Variants in TENT4B observed in about 807,000 individuals in gnomAD.
TENT4B encodes PAP associated domain containing 5.
In TENT4B, 10 loss-of-function variants were observed where a neutral mutation model predicts 75.0. The observed-to-expected ratio is 0.13, with a 90% CI of 0.08 to 0.23. The LOEUF is 0.23. Among genes scored for constraint, TENT4B ranks in the 10% least tolerant of loss-of-function variants. The pLI is 1.00. For missense variants in TENT4B, 579 were observed against 893.8 expected (o/e 0.65, Z 4.49); for synonymous variants, 350 against 357.7 (o/e 0.98, Z 0.24).
At chr16:50,177,091 C>T (rs1380330316) in intron 1 of TENT4B, among the ~76,000 whole-genome samples, 3 of 151,872 alleles carry the variant, frequency 2.0e-5, no homozygotes, top group African/African-American at 7.3e-5. Flanking sequence ...CAACCTCTGC[C>T]TCCCAGGTTC....
Position 50,230,005 on chromosome 16 carries a change from C to T in TENT4B, c.*677C>T, listed in dbSNP as rs962926225. On this transcript the variant is annotated 3_prime_UTR_variant, in exon 12 of 12. Transcript: ENST00000561678. ...TAGGGAAGTGATTAGTTCTATTACT[C>T]AATTTGTTTTTCTCAGCATTGAAAT... is the stretch of plus-strand genomic sequence containing the variant. 2.2e-5 allele frequency: 22 copies of T among 980,488 alleles called. No homozygotes were observed. Among genetic ancestry groups the T allele is most frequent in the Non-Finnish European group, 2.1e-5 (17 of 825,644 alleles). The allele number at this position is 980,488 out of a possible 1,614,324, so 60.7% of individuals were successfully genotyped here.
At chr16:50,201,011 A>C (rs906310696) in intron 1 of TENT4B, among the ~76,000 whole-genome samples, 1 of 151,920 alleles carries the variant, frequency 6.6e-6, no homozygotes, top group Non-Finnish European at 1.5e-5. Context: ...CATGTTACCC[A>C]GGTGGTCTTG....
At chr16:50,209,023 G>A (rs4238814) in intron 1 of TENT4B, among the ~76,000 whole-genome samples, 88,963 of 152,094 alleles carry the variant, frequency 0.58, 28,071 homozygotes, top group South Asian at 0.69. Flanking sequence ...GAGCCACTGC[G>A]CCTGGCCAGA....
At chr16:50,194,839 C>T (rs2030111132) in intron 1 of TENT4B, among the ~76,000 whole-genome samples, 1 of 150,738 alleles carries the variant, frequency 6.6e-6, no homozygotes, top group South Asian at 2.1e-4. Context: ...AGCTCTGCCT[C>T]CCAGGTTCAC....
At position 50,232,250 on chromosome 16, in the gene TENT4B, G is replaced by A. The variant is rs746329475; in HGVS notation, c.*2922G>A. Reference sequence around the variant, plus strand: ...TGTCTTTGTTTGGTTTGGAGATGTCGCACTCAGTTTTCAAATCTAGCTTGG... The same window carrying A: ...TGTCTTTGTTTGGTTTGGAGATGTCACACTCAGTTTTCAAATCTAGCTTGG... On this transcript the variant is annotated 3_prime_UTR_variant, in exon 12 of 12. Transcript: ENST00000561678. 335 of 985,128 alleles carry A rather than the reference G, an allele frequency of 3.4e-4. 1 individual carries two copies. The highest frequency in any genetic ancestry group is 1.0e-3 in the Middle Eastern group (2 of 1,936). The allele number at this position is 985,128 out of a possible 1,614,324, so 61.0% of individuals were successfully genotyped here. A position where few individuals can be genotyped will look rare whatever the true frequency, so the allele number is the denominator to read the frequency against.
At position 50,188,781 on chromosome 16, in the gene TENT4B, C is replaced by CT. The variant is rs367699714; in HGVS notation, c.639-22539dup. Among the ~76,000 whole-genome samples the CT allele has an allele frequency of 2.7e-3, 415 of 152,222 alleles. 2 individuals carry two copies. Among genetic ancestry groups the CT allele is most frequent in the African/African-American group, 9.1e-3 (380 of 41,534 alleles). ...GCAGGAGGATTGCTTGAGCACAGGA[C>CT]TTTGAGGGCTGTAGTGAGCTGTGAT... On this transcript the variant is annotated intron_variant, in intron 1 of 11. Transcript: ENST00000561678.
At chr16:50,215,975 A>C in intron 3 of TENT4B, 100 bp from the exon 4 acceptor site, 1 of 1,439,304 alleles carries the variant, frequency 6.9e-7, no homozygotes, top group African/African-American at 1.4e-5. Flanking sequence ...AGGGTGGGAA[A>C]TAGGTTTTAA....
At chr16:50,212,187 G>C (rs1443769883) in intron 2 of TENT4B, among the ~76,000 whole-genome samples, 9 of 152,112 alleles carry the variant, frequency 5.9e-5, no homozygotes, top group Non-Finnish European at 1.2e-4. Context: ...ATCCCGAGTA[G>C]CTGGGACTGC....
Position 50,202,891 on chromosome 16 carries a change from A to G in TENT4B, c.639-8432A>G, listed in dbSNP as rs1029777701. 3.9e-5 allele frequency among the ~76,000 whole-genome samples: 6 copies of G among 152,216 alleles called. No individual in the cohort carries two copies. The South Asian group carries it at 1.2e-3, about 32-fold the overall frequency. ...AAGGGACCAAGAGGAAATCAACTGA[A>G]AAACCATCCTTCTGAAACATTGGCC... On this transcript the variant is annotated intron_variant, in intron 1 of 11. Coordinates refer to ENST00000561678, the MANE Select transcript of TENT4B (RefSeq NM_001365324.3).
At chr16:50,211,137 T>C (rs900582223) in intron 1 of TENT4B, among the ~76,000 whole-genome samples, 186 bp from the exon 2 acceptor site, 1 of 152,228 alleles carries the variant, frequency 6.6e-6, no homozygotes, top group African/African-American at 2.4e-5. Context: ...TTTCTCATTA[T>C]TTAATTATTT....
intron 1 of TENT4B, among the ~76,000 whole-genome samples, chr16:50,163,257 G>T (rs1317209948): frequency 6.6e-6 from 1 of 152,060 alleles, no homozygotes; most frequent in Non-Finnish European, 1.5e-5. Flanking sequence ...ACTTAATAAA[G>T]TACTAGTGAT....
At chr16:50,155,020 C>G (rs2037863820) in intron 1 of TENT4B, among the ~76,000 whole-genome samples, 1 of 152,124 alleles carries the variant, frequency 6.6e-6, no homozygotes, top group South Asian at 2.1e-4. Flanking sequence ...GTAAAGTTGT[C>G]ATCCTGGCAG....
chr16:50,234,337 G>C lies in TENT4B; in HGVS notation c.*5009G>C. 1 of 966,976 alleles carries C rather than the reference G, an allele frequency of 1.0e-6. No homozygotes were observed. The highest frequency in any genetic ancestry group is 5.0e-5 in the South Asian group (1 of 20,084). The allele number at this position is 966,976 out of a possible 1,614,324, so 59.9% of individuals were successfully genotyped here. On this transcript the variant is annotated 3_prime_UTR_variant, in exon 12 of 12. Transcript: ENST00000561678. ...GGTAGGGGAGGGAAAGGAGGACTTG[G>C]AAAAGCATTCTCCAAAGCCAGCAAC...
At chr16:50,154,676 T>C (rs938308123) in intron 1 of TENT4B, among the ~76,000 whole-genome samples, 1 of 152,074 alleles carries the variant, frequency 6.6e-6, no homozygotes, top group Non-Finnish European at 1.5e-5. Context: ...GGGCCTATCA[T>C]TCATTCCCTG....
intron 1 of TENT4B, among the ~76,000 whole-genome samples, chr16:50,196,965 A>G (rs2030304047): frequency 6.6e-6 from 1 of 151,674 alleles, no homozygotes; most frequent in Admixed American, 6.6e-5. Context: ...AACTTTAAGC[A>G]GGATGTGGGC....
intron 5 of TENT4B, 140 bp downstream of exon 5, chr16:50,217,803 T>C (rs1297229907): frequency 3.9e-5 from 12 of 308,010 alleles, no homozygotes; most frequent in Admixed American, 2.3e-4. Flanking sequence ...TCTCACTCTG[T>C]CACCTAGGCT....
In TENT4B at chr16:50,229,476, G is replaced by A; in HGVS notation, c.*148G>A. 8.0e-7 allele frequency: 1 copy of A among 1,250,994 alleles called. No homozygotes were observed. Among genetic ancestry groups the A allele is most frequent in the African/African-American group, 1.6e-5 (1 of 63,928 alleles). The allele number at this position is 1,250,994 out of a possible 1,614,324, so 77.5% of individuals were successfully genotyped here. On this transcript the variant is annotated 3_prime_UTR_variant, in exon 12 of 12. Transcript: ENST00000561678. ...TTTTTTCCCAGCTCGCCACAGAATG[G>A]ATCATGAAGACTGACAACTGCAAAA...
chr16:50,159,215 G>A (rs1010978711), intron 1 of TENT4B, among the ~76,000 whole-genome samples: 5 of 148,440 alleles, frequency 3.4e-5, no homozygotes, highest in Non-Finnish European at 7.4e-5. Flanking sequence ...TCTCTCTCTC[G>A]CTCTCGCTCC....
chr16:50,183,121 G>A (rs969757033), intron 1 of TENT4B, among the ~76,000 whole-genome samples: 13 of 150,538 alleles, frequency 8.6e-5, no homozygotes, highest in African/African-American at 3.2e-4. Flanking sequence ...TCGACTCACC[G>A]CAACCTCTGC....
Sources: allele counts gnomAD v4.1 joint callset (sites outside exome capture counted in the v4.1 genomes callset), GRCh38; gene constraint gnomAD v4.1.1; transcripts MANE v1.5; gene names NCBI Gene and HGNC (gene_info 2026-07-23, HGNC 2026-07-21).